The following FAM117A variants were observed in gnomAD, a reference collection of about 807,000 sequenced individuals.
The protein encoded by FAM117A is family with sequence similarity 117 member A, also known as protein FAM117A.
Under a neutral mutation model 44.1 loss-of-function variants are expected in FAM117A, and 21 were observed. That is an observed-to-expected ratio of 0.48 (90% confidence interval 0.34 to 0.69). The LOEUF is 0.69. FAM117A is among the 30% of genes least tolerant of loss of function. FAM117A has a pLI of 0.01. For missense variants in FAM117A, 498 were observed against 589.9 expected, an observed-to-expected ratio of 0.84 and a Z score of 1.61; for synonymous variants, 220 against 238.3, an observed-to-expected ratio of 0.92 and a Z score of 0.71.
At chr17:49,786,381 A>G (rs533722510) in intron 1 of FAM117A, among the ~76,000 whole-genome samples, 18 of 152,320 alleles carry the variant, frequency 1.2e-4, no homozygotes, top group African/African-American at 4.3e-4. Flanking sequence ...TAACTTCACC[A>G]TCTCTGAGCG....
At chr17:49,760,268 A>C (rs965622275) in intron 1 of FAM117A, among the ~76,000 whole-genome samples, 4 of 152,144 alleles carry the variant, frequency 2.6e-5, no homozygotes, top group African/African-American at 4.8e-5. Context: ...GAATTTTCTG[A>C]GGTTTATATT....
At chr17:49,748,876 T>C (rs2073664039) in intron 1 of FAM117A, among the ~76,000 whole-genome samples, 1 of 152,028 alleles carries the variant, frequency 6.6e-6, no homozygotes, top group Non-Finnish European at 1.5e-5. Context: ...GTGCATAACA[T>C]GTGGTTTGGT....
chr17:49,722,250 G>T (rs1251845327), intron 3 of FAM117A, among the ~76,000 whole-genome samples: 1 of 152,176 alleles, frequency 6.6e-6, no homozygotes, highest in African/African-American at 2.4e-5. Flanking sequence ...CTCCAGCCCT[G>T]TGCTTGCTGC....
intron 7 of FAM117A, 104 bp from the exon 8 acceptor site, chr17:49,711,659 G>A: frequency 8.9e-7 from 1 of 1,123,216 alleles, no homozygotes; most frequent in Admixed American, 2.1e-5. Flanking sequence ...AGGAGAGCTG[G>A]GTCTCTGTTC....
intron 1 of FAM117A, among the ~76,000 whole-genome samples, chr17:49,783,572 A>C (rs2073796511): frequency 6.6e-6 from 1 of 152,208 alleles, no homozygotes; most frequent in Non-Finnish European, 1.5e-5. Flanking sequence ...GGGTGCTACA[A>C]GATCCAAATT....
intron 1 of FAM117A, among the ~76,000 whole-genome samples, chr17:49,733,868 C>T (rs72839109): frequency 7.3e-5 from 11 of 150,624 alleles, no homozygotes; most frequent in South Asian, 2.1e-4. Context: ...TATGGCTGGG[C>T]GTGGTGGCTC....
upstream of FAM117A, among the ~76,000 whole-genome samples, chr17:49,768,661 A>G (rs2073752112): frequency 6.6e-6 from 1 of 152,126 alleles, no homozygotes; most frequent in Admixed American, 6.5e-5. Flanking sequence ...GAAGGAGCAA[A>G]GCAGCCTGAG....
intron 1 of FAM117A, among the ~76,000 whole-genome samples, chr17:49,733,518 C>T (rs1231902905): frequency 6.6e-6 from 1 of 151,682 alleles, no homozygotes; most frequent in African/African-American, 2.4e-5. Context: ...ACTAAAAATA[C>T]AAAAATTAGC....
intron 1 of FAM117A, among the ~76,000 whole-genome samples, chr17:49,777,131 C>T (rs932850818): frequency 6.6e-6 from 1 of 152,082 alleles, no homozygotes; most frequent in South Asian, 2.1e-4. Context: ...ATGATGGGCA[C>T]CCCTGCCTGC....
chr17:49,713,942 G>A (rs1379217033), intron 7 of FAM117A, among the ~76,000 whole-genome samples: 1 of 152,166 alleles, frequency 6.6e-6, no homozygotes, highest in Non-Finnish European at 1.5e-5. Flanking sequence ...GTTTGGGAAG[G>A]CCTGGCGTCC....
Position 49,764,069 on chromosome 17 carries a change from C to A in FAM117A, c.19G>T (p.Gly7Cys). The change falls in exon 1 of 8, where the codon GGC (glycine) becomes TGC (cysteine). Residue 7 changes from glycine to cysteine, a missense_variant. By Grantham distance (159) the Gly-to-Cys change is radical. Transcript: ENST00000240364. MAGAAA[G>C]GRGGGAWGPG... ...CCCCAGGCACCTCCGCCTCTGCCGC[C>A]CGCTGCGGCCCCCGCCATGGCTCTC... 1 of 1,262,580 alleles carries A rather than the reference C, an allele frequency of 7.9e-7. No individual in the cohort carries two copies. Among genetic ancestry groups the A allele is most frequent in the African/African-American group, 1.5e-5 (1 of 65,090 alleles). 78.2% of individuals were successfully genotyped at this position (1,262,580 alleles called of 1,614,324 possible). A position where few individuals can be genotyped will look rare whatever the true frequency, so the allele number is the denominator to read the frequency against.
At chr17:49,772,291 CAA>C (rs71146935) in intron 1 of FAM117A, among the ~76,000 whole-genome samples, 4 of 136,632 alleles carry the variant, frequency 2.9e-5, no homozygotes, top group Non-Finnish European at 4.8e-5. Context: ...AACTCCACCT[CAA>C]AAAAAAAAAA....
intron 1 of FAM117A, among the ~76,000 whole-genome samples, chr17:49,733,937 T>C (rs1250842904): frequency 6.6e-6 from 1 of 151,390 alleles, no homozygotes; most frequent in Non-Finnish European, 1.5e-5. Context: ...GATCAGGAGA[T>C]TGAGACTATC....
chr17:49,771,168 C>G (rs2073759972), intron 1 of FAM117A, among the ~76,000 whole-genome samples: 1 of 152,204 alleles, frequency 6.6e-6, no homozygotes, highest in South Asian at 2.1e-4. Flanking sequence ...GATTGTGCCA[C>G]TGCACTCCGG....
chr17:49,731,315 G>A (rs576530201), intron 2 of FAM117A, among the ~76,000 whole-genome samples: 10 of 152,278 alleles, frequency 6.6e-5, no homozygotes, highest in Admixed American at 6.5e-5. Context: ...TGCCTATCTC[G>A]AAATAACTCA....
intron 1 of FAM117A, among the ~76,000 whole-genome samples, chr17:49,758,099 C>T (rs1346717407): frequency 1.3e-5 from 2 of 152,040 alleles, no homozygotes; most frequent in Non-Finnish European, 2.9e-5. Context: ...GTGGCCAAGG[C>T]AGGTGGATCA....
intron 1 of FAM117A, among the ~76,000 whole-genome samples, chr17:49,780,345 G>T (rs909842998): frequency 1.3e-5 from 2 of 152,194 alleles, no homozygotes; most frequent in Admixed American, 6.5e-5. Flanking sequence ...CAGGAAAGTA[G>T]TGTCTACAGA....
chr17:49,720,036 T>G, intron 4 of FAM117A, 142 bp from the exon 5 acceptor site: 2 of 1,201,222 alleles, frequency 1.7e-6, no homozygotes, highest in Non-Finnish European at 2.3e-6. Context: ...CAGATTGCAA[T>G]AGGTCCACTC....
chr17:49,758,116 G>A (rs2073706000), intron 1 of FAM117A, among the ~76,000 whole-genome samples: 2 of 151,226 alleles, frequency 1.3e-5, no homozygotes. Flanking sequence ...ATCACCTGAG[G>A]TCAGATGTTG....
Sources: allele counts gnomAD v4.1 joint callset (sites outside exome capture counted in the v4.1 genomes callset), GRCh38; gene constraint gnomAD v4.1.1; transcripts MANE v1.5; gene names NCBI Gene and HGNC (gene_info 2026-07-23, HGNC 2026-07-21).